Variants in TBC1D2B observed in about 807,000 individuals in gnomAD.
The protein encoded by TBC1D2B is TBC1 domain family, member 2B.
Under a neutral mutation model 100.8 loss-of-function variants are expected in TBC1D2B, and 64 were observed. The observed-to-expected ratio is 0.64, with a 90% CI of 0.52 to 0.78. The LOEUF is 0.78. Ranked by LOEUF, TBC1D2B falls within the 30% of genes least tolerant of loss-of-function variation. TBC1D2B has a pLI of 0.00. For missense variants in TBC1D2B, 1,052 were observed against 1,218.4 expected (o/e 0.86, Z 2.03); for synonymous variants, 480 against 479.7 (o/e 1.00, Z -0.01).
At position 78,044,909 on chromosome 15, in the gene TBC1D2B, T is replaced by C. The variant is rs372146800; in HGVS notation, c.674A>G (p.Asn225Ser). The C allele has an allele frequency of 1.6e-5, 26 of 1,610,886 alleles. No individual in the cohort carries two copies. Among genetic ancestry groups the C allele is most frequent in the Admixed American group, 3.4e-5 (2 of 59,476 alleles). Residue 225 changes from asparagine (N) to serine (S), a missense_variant, in exon 3 of 13, where the codon AAT becomes AGT. Around this residue, in one of 4 missense-constraint regions of TBC1D2B, gnomAD observed 627 missense variants for 646.1 expected, o/e 0.97. Transcript: ENST00000300584. Reference sequence around the variant, plus strand: ...CTTTCTAAAGACTCACTTGAGCTCATTGCCCCACTGTTTCAAAGAGTAAAA... The same window carrying C: ...CTTTCTAAAGACTCACTTGAGCTCACTGCCCCACTGTTTCAAAGAGTAAAA... ...INFYSLKQWG[N>S]ELKNSMSSFR...
In TBC1D2B at chr15:77,995,157, T is replaced by A. The variant is rs1410775388; in HGVS notation, c.*3003A>T. On this transcript the variant is annotated 3_prime_UTR_variant, in exon 13 of 13. Transcript: ENST00000300584. ...CGTTCAGTGGCACACAGTGGGTCTC[T>A]GTATGGCCTCCCACCTGCAAGGACT... 1 of 152,156 alleles carries A rather than the reference T, an allele frequency of 6.6e-6. No homozygotes were observed. Among genetic ancestry groups the A allele is most frequent in the East Asian group, 1.9e-4 (1 of 5,174 alleles). 9.4% of individuals were successfully genotyped at this position (152,156 alleles called of 1,614,324 possible).
chr15:78,001,799 C>A, intron 11 of TBC1D2B, 59 bp from the exon 12 acceptor site: 2 of 1,544,590 alleles, frequency 1.3e-6, no homozygotes, highest in Admixed American at 1.9e-5. Context: ...AGGCACAAGG[C>A]TGGACTCCAG....
At chr15:78,019,169 A>C (rs750070624) in intron 6 of TBC1D2B, among the ~76,000 whole-genome samples, 30 of 152,184 alleles carry the variant, frequency 2.0e-4, no homozygotes, top group Non-Finnish European at 2.5e-4. Flanking sequence ...CACTTCCCCC[A>C]TAAAATGCAG....
intron 1 of TBC1D2B, chr15:78,065,890 G>T (rs550934631): frequency 2.7e-4 from 104 of 385,636 alleles, no homozygotes; most frequent in Middle Eastern, 1.1e-3. Context: ...GAATTTACAG[G>T]AATGTTTGGG....
chr15:78,021,051 G>A (rs1328827752), intron 6 of TBC1D2B, among the ~76,000 whole-genome samples: 1 of 152,170 alleles, frequency 6.6e-6, no homozygotes. Context: ...ACACAGAAAA[G>A]GATTGGAAGG....
At chr15:78,061,305 G>T (rs2073539920) in intron 1 of TBC1D2B, among the ~76,000 whole-genome samples, 1 of 151,910 alleles carries the variant, frequency 6.6e-6, no homozygotes, top group African/African-American at 2.4e-5. Flanking sequence ...AGGCACAGTG[G>T]CTGACACCTA....
At chr15:78,076,050 C>T (rs1382455200) in intron 1 of TBC1D2B, among the ~76,000 whole-genome samples, 1 of 152,114 alleles carries the variant, frequency 6.6e-6, no homozygotes, top group East Asian at 1.9e-4. Context: ...CTCACAGAAA[C>T]CAGGCAGGGA....
intron 3 of TBC1D2B, among the ~76,000 whole-genome samples, chr15:78,042,096 T>A (rs1268618576): frequency 6.6e-6 from 1 of 152,158 alleles, no homozygotes; most frequent in Non-Finnish European, 1.5e-5. Flanking sequence ...AGAAGATAAC[T>A]CCTACACTAG....
At position 78,077,551 on chromosome 15, in the gene TBC1D2B, T is replaced by A; in HGVS notation, c.102A>T (p.Pro34=). 1 of 1,467,348 alleles carries A rather than the reference T, an allele frequency of 6.8e-7. No individual in the cohort carries two copies. The highest frequency in any genetic ancestry group is 9.0e-7 in the Non-Finnish European group (1 of 1,106,456). The allele number at this position is 1,467,348 out of a possible 1,614,324, so 90.9% of individuals were successfully genotyped here. Residue 34 remains proline, a synonymous_variant, in exon 1 of 13, where the codon CCA becomes CCT. Coordinates refer to ENST00000300584, the MANE Select transcript of TBC1D2B (RefSeq NM_144572.2). Reference sequence around the variant, plus strand: ...TCTGCAGATAGCCACACAGCCGCGCTGGCTCCCGCGCCGGACCCGCCCCGG... The same window carrying A: ...TCTGCAGATAGCCACACAGCCGCGCAGGCTCCCGCGCCGGACCCGCCCCGG... ...AEPGAGPARE[P]ARLCGYLQKL...
intron 3 of TBC1D2B, among the ~76,000 whole-genome samples, chr15:78,036,046 G>C (rs2072938053): frequency 6.6e-6 from 1 of 152,184 alleles, no homozygotes; most frequent in Admixed American, 6.5e-5. Context: ...TCTGAGCGAA[G>C]AGTGAGCATT....
At position 78,044,041 on chromosome 15, in the gene TBC1D2B, C is replaced by A. The variant is rs1267678234; in HGVS notation, c.683+859G>T. On this transcript the variant is annotated intron_variant, in intron 3 of 12. Coordinates refer to ENST00000300584, the MANE Select transcript of TBC1D2B (RefSeq NM_144572.2). ...CCTTATCTTAAAAAAAAAAAAAAAA[C>A]CCACCAAAAAACAAATTCATAGAGA... Among the ~76,000 whole-genome samples, 73 of 129,990 alleles carry A rather than the reference C, an allele frequency of 5.6e-4. 1 individual carries two copies. Among genetic ancestry groups the A allele is most frequent in the Admixed American group, 1.6e-3 (21 of 12,768 alleles). The allele number at this position is 129,990 out of a possible 152,430, so 85.3% of individuals were successfully genotyped here. A position where few individuals can be genotyped will look rare whatever the true frequency, so the allele number is the denominator to read the frequency against.
At chr15:78,047,821 G>A (rs1294483492) in intron 2 of TBC1D2B, among the ~76,000 whole-genome samples, 3 of 152,142 alleles carry the variant, frequency 2.0e-5, no homozygotes, top group Non-Finnish European at 4.4e-5. Context: ...GGGGCAGGGG[G>A]TGCTCAATGT....
intron 10 of TBC1D2B, among the ~76,000 whole-genome samples, chr15:78,006,153 C>T (rs1040861425): frequency 6.6e-6 from 1 of 152,122 alleles, no homozygotes; most frequent in Non-Finnish European, 1.5e-5. Context: ...GACCCTCCCC[C>T]CAAGTTCCTA....
In TBC1D2B at chr15:77,996,534, CAAA is replaced by C. The variant is rs2071764329; in HGVS notation, c.*1623_*1625del. 1 of 152,220 alleles carries C rather than the reference CAAA, an allele frequency of 6.6e-6. No individual in the cohort carries two copies. The highest frequency in any genetic ancestry group is 2.4e-5 in the African/African-American group (1 of 41,450). The allele number at this position is 152,220 out of a possible 1,614,324, so 9.4% of individuals were successfully genotyped here. A position where few individuals can be genotyped will look rare whatever the true frequency, so the allele number is the denominator to read the frequency against. The stretch of plus-strand genomic sequence containing the variant: ...CTGCTCTCAAAGACAAAGACAATGA[CAAA>C]ACCCATTTTTGATGCCTGAAAAGAG... On this transcript the variant is annotated 3_prime_UTR_variant, in exon 13 of 13. Transcript: ENST00000300584.
At chr15:78,010,774 G>A (rs891996770) in intron 9 of TBC1D2B, among the ~76,000 whole-genome samples, 9 of 152,166 alleles carry the variant, frequency 5.9e-5, no homozygotes, top group African/African-American at 1.9e-4. Context: ...TCCTTCTAAA[G>A]TTCTGGGTGC....
intron 1 of TBC1D2B, among the ~76,000 whole-genome samples, chr15:78,075,666 A>G (rs1168443828): frequency 2.0e-5 from 3 of 152,198 alleles, no homozygotes; most frequent in Non-Finnish European, 4.4e-5. Flanking sequence ...GTCATTACCA[A>G]GTTTATACAG....
chr15:78,068,302 T>C (rs58416217), intron 1 of TBC1D2B, among the ~76,000 whole-genome samples: 8,729 of 151,898 alleles, frequency 0.057, 365 homozygotes, highest in East Asian at 0.24. Flanking sequence ...TAGAATATGA[T>C]AGATGCTCAA....
intron 8 of TBC1D2B, among the ~76,000 whole-genome samples, chr15:78,013,828 G>A (rs2072299689): frequency 6.6e-6 from 1 of 152,202 alleles, no homozygotes; most frequent in African/African-American, 2.4e-5. Context: ...ATGGCAATAG[G>A]AATGTTGTTA....
intron 9 of TBC1D2B, among the ~76,000 whole-genome samples, chr15:78,011,214 C>T (rs572022810): frequency 6.6e-6 from 1 of 152,318 alleles, no homozygotes; most frequent in Non-Finnish European, 1.5e-5. Flanking sequence ...GAGACAATGA[C>T]TTACTGAAAA....
Sources: allele counts gnomAD v4.1 joint callset (sites outside exome capture counted in the v4.1 genomes callset), GRCh38; gene constraint gnomAD v4.1.1; regional missense constraint gnomAD v4.1.1; transcripts MANE v1.5; gene names NCBI Gene and HGNC (gene_info 2026-07-23, HGNC 2026-07-21).